Variants in GUCY1A2 observed in about 807,000 individuals in gnomAD.
GUCY1A2 encodes guanylate cyclase 1 soluble subunit alpha 2, also known as guanylate cyclase soluble subunit alpha-2.
GUCY1A2 carries 27 observed loss-of-function variants against 63.5 expected under a neutral mutation model. The observed-to-expected ratio is 0.43, with a 90% CI of 0.31 to 0.59. The LOEUF (loss-of-function observed/expected upper bound fraction) is 0.59. Among genes scored for constraint, GUCY1A2 ranks in the 20% least tolerant of loss-of-function variants. The probability of loss-of-function intolerance (pLI) is 0.11; values close to 1 mark genes in which losing one functional copy is unlikely to be tolerated. For synonymous variants in GUCY1A2, 364 were observed against 343.5 expected, an observed-to-expected ratio of 1.06 and a Z score of -0.66; for missense variants, 768 against 913.3, an observed-to-expected ratio of 0.84 and a Z score of 2.05.
intron 6 of GUCY1A2, among the ~76,000 whole-genome samples, chr11:106,710,325 G>T (rs11211878): frequency 0.51 from 15,764 of 30,948 alleles, 5,055 homozygotes; most frequent in African/African-American, 0.69. Context: ...ATATAATATA[G>T]TTATATATAT....
At chr11:106,883,292 A>G (rs1859851803) in intron 4 of GUCY1A2, among the ~76,000 whole-genome samples, 1 of 152,114 alleles carries the variant, frequency 6.6e-6, no homozygotes, top group African/African-American at 2.4e-5. Context: ...CAGCCAATAA[A>G]TAAGGAAACT....
Position 106,914,290 on chromosome 11 carries a change from T to C in GUCY1A2, c.1206+25170A>G, listed in dbSNP as rs548126871. Among the ~76,000 whole-genome samples the C allele has an allele frequency of 3.9e-5, 6 of 152,134 alleles. No homozygotes were observed. The South Asian group carries it at 1.2e-3, about 32-fold the overall frequency. On this transcript the variant is annotated intron_variant, in intron 4 of 7. Coordinates refer to ENST00000526355, the MANE Select transcript of GUCY1A2 (RefSeq NM_000855.3). ...ATCCTTCATTTACTCCCACCAAATA[T>C]CCATTTATAGTGCCACTCCTAATGT...
intron 6 of GUCY1A2, among the ~76,000 whole-genome samples, chr11:106,728,106 A>G (rs1257341532): frequency 6.6e-6 from 1 of 152,204 alleles, no homozygotes; most frequent in African/African-American, 2.4e-5. Flanking sequence ...CTCTTAAAAC[A>G]CCGCATGCCT....
At chr11:106,859,310 T>C (rs1261431999) in intron 4 of GUCY1A2, among the ~76,000 whole-genome samples, 2 of 151,962 alleles carry the variant, frequency 1.3e-5, no homozygotes, top group Non-Finnish European at 2.9e-5. Flanking sequence ...GAAAAAACAG[T>C]ACTTTATTAC....
chr11:106,858,850 G>C (rs1488830606), intron 4 of GUCY1A2, among the ~76,000 whole-genome samples: 1 of 151,964 alleles, frequency 6.6e-6, no homozygotes, highest in African/African-American at 2.4e-5. Context: ...TTAGATAACA[G>C]GTTTTCAGAA....
At position 106,686,385 on chromosome 11, in the gene GUCY1A2, T is replaced by C. The variant is rs983907984; in HGVS notation, c.*1164A>G. ...GCCATATCAATCAAACTGCAGAACATTTTTTAAAACCTCAAAGCCATAAAA... is the reference window on the plus strand; with the variant it reads ...GCCATATCAATCAAACTGCAGAACACTTTTTAAAACCTCAAAGCCATAAAA... On this transcript the variant is annotated 3_prime_UTR_variant, in exon 8 of 8. Transcript: ENST00000526355. 9.1e-6 allele frequency: 2 copies of C among 219,530 alleles called. No individual in the cohort carries two copies. Among genetic ancestry groups the C allele is most frequent in the East Asian group, 1.3e-4 (2 of 15,018 alleles). 13.6% of individuals were successfully genotyped at this position (219,530 alleles called of 1,614,324 possible). A position where few individuals can be genotyped will look rare whatever the true frequency, so the allele number is the denominator to read the frequency against.
chr11:106,917,907 A>G (rs1411049689), intron 4 of GUCY1A2, among the ~76,000 whole-genome samples: 4 of 140,286 alleles, frequency 2.9e-5, no homozygotes, highest in Non-Finnish European at 6.4e-5. Context: ...ACTAACCTAC[A>G]CGTTGTGCAC....
intron 6 of GUCY1A2, among the ~76,000 whole-genome samples, chr11:106,762,649 GATTCTAATATTTTACATTT>G (rs977622830): frequency 2.0e-5 from 3 of 151,978 alleles, no homozygotes; most frequent in Non-Finnish European, 2.9e-5. Context: ...CATATAAATT[GATTCTAATATTTTACATTT>G]ATTCTAATAT....
chr11:106,761,098 A>G (rs2135391778), intron 6 of GUCY1A2, among the ~76,000 whole-genome samples: 1 of 152,268 alleles, frequency 6.6e-6, no homozygotes, highest in African/African-American at 2.4e-5. Context: ...AAGAAAAACT[A>G]CAATATTATT....
chr11:106,796,530 A>C (rs1253300374), intron 5 of GUCY1A2, among the ~76,000 whole-genome samples: 1 of 152,166 alleles, frequency 6.6e-6, no homozygotes, highest in Admixed American at 6.6e-5. Flanking sequence ...TCCTTCAGTT[A>C]TGAAGCTTAG....
intron 6 of GUCY1A2, among the ~76,000 whole-genome samples, chr11:106,709,458 T>G (rs1459375749): frequency 1.1e-5 from 1 of 94,598 alleles, no homozygotes; most frequent in African/African-American, 4.5e-5. Flanking sequence ...TATTCTATAT[T>G]TATAGAATAA....
chr11:106,829,920 C>T (rs549461685), intron 4 of GUCY1A2, among the ~76,000 whole-genome samples: 1 of 152,194 alleles, frequency 6.6e-6, no homozygotes, highest in Admixed American at 6.5e-5. Context: ...GGTCACTACA[C>T]CAAGTAAAAA....
intron 3 of GUCY1A2, among the ~76,000 whole-genome samples, chr11:106,959,055 G>A (rs1861026679): frequency 6.6e-6 from 1 of 152,170 alleles, no homozygotes; most frequent in African/African-American, 2.4e-5. Flanking sequence ...CCCTAGGAAA[G>A]ATTAAAAGCA....
At chr11:106,690,010 T>TA (rs909393575) in intron 7 of GUCY1A2, among the ~76,000 whole-genome samples, 1 of 139,380 alleles carries the variant, frequency 7.2e-6, no homozygotes. Context: ...AAAAAAAAAG[T>TA]AAAAAAATAA....
chr11:106,976,787 C>CT (rs996472668), intron 3 of GUCY1A2, among the ~76,000 whole-genome samples: 1 of 152,136 alleles, frequency 6.6e-6, no homozygotes, highest in African/African-American at 2.4e-5. Context: ...ACATGATCAC[C>CT]TTCTAAGTTA....
At chr11:106,813,947 G>A (rs185549735) in intron 4 of GUCY1A2, among the ~76,000 whole-genome samples, 4 of 152,190 alleles carry the variant, frequency 2.6e-5, no homozygotes, top group African/African-American at 7.2e-5. Flanking sequence ...GATTTAGGGA[G>A]GTTAAGAGAT....
At chr11:106,724,777 G>A (rs1028420324) in intron 6 of GUCY1A2, among the ~76,000 whole-genome samples, 4 of 152,092 alleles carry the variant, frequency 2.6e-5, no homozygotes, top group African/African-American at 9.7e-5. Flanking sequence ...ACAGATGTGA[G>A]CATCACTATC....
In GUCY1A2 at chr11:106,687,671, T is replaced by C. The variant is rs1565258018; in HGVS notation, c.2077A>G (p.Ile693Val). The C allele has an allele frequency of 6.2e-7, 1 of 1,613,084 alleles. No homozygotes were observed. The highest frequency in any genetic ancestry group is 8.5e-7 in the Non-Finnish European group (1 of 1,179,056). The change falls in exon 8 of 8, where the codon ATC becomes GTC. Residue 693 changes from isoleucine to valine, a missense_variant. Physicochemically the swap from Ile to Val is conservative, Grantham distance 29. Around this residue, in one of 3 missense-constraint regions of GUCY1A2, gnomAD observed 150 missense variants for 188.3 expected, o/e 0.80. Transcript: ENST00000526355. Reference sequence around the variant, plus strand: ...GTCCTTACCTCCAGGAAATAGCAGATCCCAGGAATTTCCTTTGGAAAGTTG... The same window carrying C: ...GTCCTTACCTCCAGGAAATAGCAGACCCCAGGAATTTCCTTTGGAAAGTTG... ...PDNFPKEIPG[I>V]CYFLEVRTGP...
chr11:106,980,419 A>G (rs747518002), intron 2 of GUCY1A2, among the ~76,000 whole-genome samples: 31 of 152,322 alleles, frequency 2.0e-4, no homozygotes, highest in Non-Finnish European at 2.9e-4. Flanking sequence ...TACAACCCCA[A>G]TGAAATTTTC....
Sources: gnomAD v4.1 joint callset for allele counts (sites outside exome capture counted in the v4.1 genomes callset) on GRCh38, gnomAD v4.1.1 for gene constraint, gnomAD v4.1.1 regional missense constraint, MANE v1.5 for transcripts, NCBI Gene and HGNC (gene_info 2026-07-23, HGNC 2026-07-21) for gene names.